ZZEF1: variants seen among roughly 807,000 people sequenced by gnomAD.
The protein encoded by ZZEF1 is zinc finger ZZ-type and EF-hand domain-containing protein 1.
A neutral mutation model predicts 342.8 loss-of-function variants in ZZEF1; 157 were observed. That is an observed-to-expected ratio of 0.46 (90% CI 0.40 to 0.52). The LOEUF is 0.52. ZZEF1 is among the 20% of genes least tolerant of loss of function. The pLI is 0.00. For missense variants in ZZEF1, 3,480 were observed against 3,725.6 expected (o/e 0.93, Z 1.72); for synonymous variants, 1,505 against 1,429.1 (o/e 1.05, Z -1.20).
chr17:4,123,306 TA>T (rs2058519255), intron 2 of ZZEF1, among the ~76,000 whole-genome samples: 4 of 127,006 alleles, frequency 3.1e-5, no homozygotes, highest in Non-Finnish European at 3.4e-5. Flanking sequence ...TATATATATA[TA>T]TATCAGAAAA....
intron 9 of ZZEF1, among the ~76,000 whole-genome samples, chr17:4,098,428 GAATA>G (rs891622427): frequency 1.3e-5 from 2 of 151,924 alleles, no homozygotes; most frequent in Non-Finnish European, 2.9e-5. Flanking sequence ...ATGAATGAAT[GAATA>G]AATAAATTAA....
intron 18 of ZZEF1, among the ~76,000 whole-genome samples, chr17:4,078,932 G>T (rs1048829060): frequency 6.6e-5 from 10 of 151,994 alleles, no homozygotes; most frequent in African/African-American, 2.2e-4. Context: ...AACCATAAAT[G>T]TCTTTTACTA....
chr17:4,065,933 C>A (rs936762052), intron 28 of ZZEF1, among the ~76,000 whole-genome samples: 62 of 152,022 alleles, frequency 4.1e-4, no homozygotes, highest in Non-Finnish European at 7.9e-4. Flanking sequence ...GAATCTGACA[C>A]CAGCCTGGGC....
At chr17:4,048,873 A>ATTTTTTTTTT (rs71144157) in intron 37 of ZZEF1, among the ~76,000 whole-genome samples, 2 of 133,752 alleles carry the variant, frequency 1.5e-5, no homozygotes, top group Non-Finnish European at 1.6e-5. Context: ...AGCCTGGATA[A>ATTTTTTTTTT]TTTTTTTTTT....
chr17:4,106,992 T>C (rs1280837847), intron 6 of ZZEF1, among the ~76,000 whole-genome samples: 2 of 152,232 alleles, frequency 1.3e-5, no homozygotes, highest in African/African-American at 2.4e-5. Flanking sequence ...ATGAGCCATT[T>C]TGGGGTTGCA....
At chr17:4,106,141 T>C (rs915575047) in intron 6 of ZZEF1, among the ~76,000 whole-genome samples, 4 of 152,052 alleles carry the variant, frequency 2.6e-5, no homozygotes, top group Non-Finnish European at 4.4e-5. Flanking sequence ...AGAGACAGGG[T>C]TTCACCATCT....
At chr17:4,112,265 C>G (rs994738494) in intron 5 of ZZEF1, among the ~76,000 whole-genome samples, 1 of 150,886 alleles carries the variant, frequency 6.6e-6, no homozygotes, top group African/African-American at 2.4e-5. Context: ...TCTGCCTTAG[C>G]CCCCCAAGTG....
chr17:4,142,920 C>G lies in ZZEF1; in HGVS notation c.-25G>C. 1.5e-6 allele frequency: 2 copies of G among 1,306,652 alleles called. No individual in the cohort carries two copies. The highest frequency in any genetic ancestry group is 1.9e-6 in the Non-Finnish European group (2 of 1,031,416). 80.9% of individuals were successfully genotyped at this position (1,306,652 alleles called of 1,614,324 possible). On this transcript the variant is annotated 5_prime_UTR_variant, in exon 1 of 55. Coordinates refer to ENST00000381638, the MANE Select transcript of ZZEF1 (RefSeq NM_015113.4). ...TGGGGTCTCCGTCTTGGGCGCCTGG[C>G]TCTGCAGCCGCCGCCGCCGCCTCCC...
chr17:4,083,749 T>C (rs2057768507), intron 16 of ZZEF1, among the ~76,000 whole-genome samples: 1 of 151,812 alleles, frequency 6.6e-6, no homozygotes, highest in Non-Finnish European at 1.5e-5. Flanking sequence ...GCAATTCTCC[T>C]GCTTCGACCT....
chr17:4,042,303 T>C, intron 39 of ZZEF1, 126 bp downstream of exon 39: 1 of 1,045,254 alleles, frequency 9.6e-7, no homozygotes, highest in Non-Finnish European at 1.4e-6. Flanking sequence ...AGAAAATAAT[T>C]ATAACTTCTA....
chr17:4,008,839 G>A lies in ZZEF1; in HGVS notation c.8805+44C>T. On this transcript the variant is annotated intron_variant, in intron 54 of 54. Coordinates refer to ENST00000381638, the MANE Select transcript of ZZEF1 (RefSeq NM_015113.4). The surrounding 1 kb of genome is among the most constrained non-coding windows in gnomAD (Gnocchi z 4.2). The stretch of plus-strand genomic sequence containing the variant: ...CTGCCCTGGCAATGGTGAGATGGTG[G>A]CGCCCCAGCCTGGGGGCCAGCTCTG... 1 of 1,540,646 alleles carries A rather than the reference G, an allele frequency of 6.5e-7. No homozygotes were observed. The highest frequency in any genetic ancestry group is 8.7e-7 in the Non-Finnish European group (1 of 1,145,906).
intron 17 of ZZEF1, 97 bp downstream of exon 17, chr17:4,082,340 T>C: frequency 2.6e-6 from 3 of 1,139,788 alleles, no homozygotes; most frequent in South Asian, 2.7e-5. Flanking sequence ...TGGCAGGAAG[T>C]ACTACTTCGA....
intron 32 of ZZEF1, chr17:4,056,634 C>A: frequency 5.4e-6 from 1 of 183,560 alleles, no homozygotes. Flanking sequence ...TTATGGTGAA[C>A]CTACTATGTG....
chr17:4,142,496 G>C, intron 1 of ZZEF1, 46 bp downstream of exon 1: 1 of 1,574,934 alleles, frequency 6.3e-7, no homozygotes, highest in Non-Finnish European at 8.6e-7. Context: ...AGTCCCCTGG[G>C]GGCGACCGCC....
chr17:4,114,220 T>C, intron 4 of ZZEF1, 79 bp downstream of exon 4: 3 of 1,227,990 alleles, frequency 2.4e-6, no homozygotes, highest in Non-Finnish European at 3.3e-6. Flanking sequence ...TCATAGCCAC[T>C]TAAAATACAA....
rs145495897 is a variant in ZZEF1 at position 4,031,503 on chromosome 17, T to C, written c.6892+623A>G. Among the ~76,000 whole-genome samples the C allele has an allele frequency of 1.7e-3, 264 of 152,278 alleles. 2 individuals are homozygous for C. The highest frequency in any genetic ancestry group is 6.2e-3 in the African/African-American group (257 of 41,552). On this transcript the variant is annotated intron_variant, in intron 42 of 54. Transcript: ENST00000381638. ...GAGAAAGGATGGCCTGTTCAACAAA[T>C]GGTCCTGGATCAAATGGATGTTCAT...
chr17:4,096,477 A>T, intron 10 of ZZEF1, 132 bp downstream of exon 10: 1 of 738,056 alleles, frequency 1.4e-6, no homozygotes, highest in Non-Finnish European at 2.3e-6. Flanking sequence ...CATCCTCTGT[A>T]TGATTATTTC....
rs111724159 is a variant in ZZEF1, at chr17:4,142,692, G to C, written c.204C>G (p.Pro68=). The change falls in exon 1 of 55, where the codon CCC becomes CCG. Residue 68 remains proline (P), a synonymous_variant. Coordinates refer to ENST00000381638, the MANE Select transcript of ZZEF1 (RefSeq NM_015113.4). The stretch of plus-strand genomic sequence containing the variant: ...GATGCCTCGACACCAGCGACTCGCA[G>C]GGGGGTGTGGGCAGCAACGCTGCAG... The part of the protein sequence containing the change: ...EAAAALLPTP[P]CESLVSRHRG... 6.2e-7 allele frequency: 1 copy of C among 1,604,468 alleles called. No individual in the cohort carries two copies. The highest frequency in any genetic ancestry group is 8.5e-7 in the Non-Finnish European group (1 of 1,178,664).
At chr17:4,022,588 C>T (rs2056297338) in intron 44 of ZZEF1, 121 bp downstream of exon 44, 3 of 1,422,528 alleles carry the variant, frequency 2.1e-6, no homozygotes, top group Admixed American at 1.9e-5. Flanking sequence ...AGGGAGTTTT[C>T]AACACTGTAC....
Sources: allele counts gnomAD v4.1 joint callset (sites outside exome capture counted in the v4.1 genomes callset), GRCh38; gene constraint gnomAD v4.1.1; non-coding constraint Gnocchi (gnomAD v3.1); transcripts MANE v1.5; gene names NCBI Gene and HGNC (gene_info 2026-07-23, HGNC 2026-07-21).